Variants in FLNB observed in about 807,000 individuals in gnomAD.
FLNB encodes the protein filamin B.
Under a neutral mutation model 250.6 loss-of-function variants are expected in FLNB, and 111 were observed. The ratio of observed to expected loss-of-function variants is 0.44; its 90% CI spans 0.38 to 0.52. The LOEUF (loss-of-function observed/expected upper bound fraction) is 0.52, where lower values mean the gene tolerates loss of function less well. Among genes scored for constraint, FLNB ranks in the 20% least tolerant of loss-of-function variants. The pLI is 0.00. For missense variants in FLNB, 2,869 were observed against 3,447.8 expected, an observed-to-expected ratio of 0.83 and a Z score of 4.20; for synonymous variants, 1,302 against 1,372.1, an observed-to-expected ratio of 0.95 and a Z score of 1.13.
At chr3:58,135,337 C>T (rs1283475142) in intron 27 of FLNB, among the ~76,000 whole-genome samples, 2 of 152,242 alleles carry the variant, frequency 1.3e-5, no homozygotes, top group Non-Finnish European at 2.9e-5. Flanking sequence ...AAGTCAGCTC[C>T]ATCTCTCTGC....
chr3:58,155,575 G>T (rs527619624), intron 40 of FLNB, among the ~76,000 whole-genome samples: 6 of 152,138 alleles, frequency 3.9e-5, no homozygotes, highest in South Asian at 2.1e-4. Context: ...AAAAATATAT[G>T]ATTTTTAATG....
In FLNB at chr3:58,142,987, A is replaced by G. The variant is rs556079060; in HGVS notation, c.5284+235A>G. 6.6e-6 allele frequency among the ~76,000 whole-genome samples: 1 copy of G among 152,354 alleles called. No homozygotes were observed. The highest frequency in any genetic ancestry group is 1.5e-5 in the Non-Finnish European group (1 of 68,036). ...TTGCATTACTTTCTTGAGCAGTCCCATGATTCTCTCTAGGTTAAAAACTGC... is the reference window on the plus strand; with the variant it reads ...TTGCATTACTTTCTTGAGCAGTCCCGTGATTCTCTCTAGGTTAAAAACTGC... On this transcript the variant is annotated intron_variant, in intron 31 of 45. Transcript: ENST00000295956. The surrounding 1 kb of genome is among the most constrained non-coding windows in gnomAD (Gnocchi z 4.3).
At chr3:58,112,345 C>T in intron 18 of FLNB, 27 bp downstream of exon 18, 1 of 1,610,234 alleles carries the variant, frequency 6.2e-7, no homozygotes, top group Non-Finnish European at 8.5e-7. Flanking sequence ...CTCTGCTCCC[C>T]TGGCCCCCAG....
chr3:58,113,468 A>G (rs2097272521), intron 18 of FLNB, among the ~76,000 whole-genome samples: 1 of 152,188 alleles, frequency 6.6e-6, no homozygotes, highest in Non-Finnish European at 1.5e-5. Flanking sequence ...CAAGTGGGGA[A>G]GAAAGAGGAT....
At chr3:58,110,319 G>C in intron 16 of FLNB, 149 bp downstream of exon 16, 1 of 860,676 alleles carries the variant, frequency 1.2e-6, no homozygotes, top group Non-Finnish European at 1.9e-6. Context: ...CTAGAGTGCA[G>C]TGGTGTGATC....
rs11130614 is a variant in FLNB, at chr3:58,142,090, G to A, written c.5181+161G>A. On this transcript the variant is annotated intron_variant, in intron 30 of 45. Transcript: ENST00000295956. This position sits in a 1 kb window ranked among gnomAD's most constrained non-coding sequence, Gnocchi z 4.3. ...CATCACGATGATCCCTGCTTTTTCT[G>A]TAATAAGATCACCTTTGCGTCACCA... is the stretch of plus-strand genomic sequence containing the variant. 4.3e-3 allele frequency among the ~76,000 whole-genome samples: 653 copies of A among 152,266 alleles called. 9 individuals are homozygous for A. Among genetic ancestry groups the A allele is most frequent in the African/African-American group, 0.015 (618 of 41,568 alleles).
chr3:58,130,649 G>T lies in FLNB; in HGVS notation c.4223-92G>T, dbSNP rs2097305839. 3 of 1,365,036 alleles carry T rather than the reference G, an allele frequency of 2.2e-6. No homozygotes were observed. In the Admixed American group the frequency reaches 5.8e-5, roughly 26 times the overall value. The allele number at this position is 1,365,036 out of a possible 1,614,324, so 84.6% of individuals were successfully genotyped here. A position where few individuals can be genotyped will look rare whatever the true frequency, so the allele number is the denominator to read the frequency against. On this transcript the variant is annotated intron_variant, in intron 24 of 45. Coordinates refer to ENST00000295956, the MANE Select transcript of FLNB (RefSeq NM_001457.4). ...AGCTGACCGAGGCCTGCATGGCCGA[G>T]GTCCCGGGGGAGCAGCAGTGCTATT...
chr3:58,161,533 C>T (rs1017580308), intron 42 of FLNB, among the ~76,000 whole-genome samples: 5 of 152,152 alleles, frequency 3.3e-5, no homozygotes, highest in African/African-American at 1.2e-4. Flanking sequence ...AGGATTTGAA[C>T]CCCTACAGAT....
In FLNB at chr3:58,109,998, G is replaced by C; in HGVS notation, c.2324-12G>C. 6.2e-7 allele frequency: 1 copy of C among 1,614,086 alleles called. No individual in the cohort carries two copies. The highest frequency in any genetic ancestry group is 8.5e-7 in the Non-Finnish European group (1 of 1,179,968). On this transcript the variant is annotated splice_polypyrimidine_tract_variant and intron_variant, in intron 15 of 45. Coordinates refer to ENST00000295956, the MANE Select transcript of FLNB (RefSeq NM_001457.4). Reference sequence around the variant, plus strand: ...TCTTGTAAGCTGGTGCTAATAAGCTGGTCTGTTCCAGGTGATGTCAGTGTT... The same window carrying C: ...TCTTGTAAGCTGGTGCTAATAAGCTCGTCTGTTCCAGGTGATGTCAGTGTT...
chr3:58,043,046 T>C (rs2097148336), intron 1 of FLNB, among the ~76,000 whole-genome samples: 1 of 152,044 alleles, frequency 6.6e-6, no homozygotes, highest in African/African-American at 2.4e-5. Context: ...GGAAATTTCC[T>C]AGAGTTTTGT....
intron 31 of FLNB, among the ~76,000 whole-genome samples, 177 bp from the exon 32 acceptor site, chr3:58,143,293 GAAA>G (rs35408341): frequency 6.9e-6 from 1 of 145,658 alleles, no homozygotes; most frequent in Admixed American, 6.8e-5. Flanking sequence ...AATGGAACTG[GAAA>G]AAAAAAAAAG....
chr3:58,070,481 A>C (rs2097192565), intron 1 of FLNB, among the ~76,000 whole-genome samples: 1 of 152,116 alleles, frequency 6.6e-6, no homozygotes. Flanking sequence ...TAGTCAAGCT[A>C]CTGGTTCCCG....
At chr3:58,040,823 G>A (rs2097145106) in intron 1 of FLNB, among the ~76,000 whole-genome samples, 3 of 152,030 alleles carry the variant, frequency 2.0e-5, no homozygotes, top group Non-Finnish European at 4.4e-5. Context: ...TATACTCCCC[G>A]CTCCATCCCA....
intron 38 of FLNB, among the ~76,000 whole-genome samples, chr3:58,153,163 G>A (rs973858561): frequency 6.6e-6 from 1 of 152,220 alleles, no homozygotes; most frequent in African/African-American, 2.4e-5. Flanking sequence ...AAAAGTCTCA[G>A]TGCCCCCAGC....
At position 58,097,740 on chromosome 3, in the gene FLNB, T is replaced by C. The variant is rs946651342; in HGVS notation, c.985-75T>C. On this transcript the variant is annotated intron_variant, in intron 6 of 45. Transcript: ENST00000295956. ...GGAGGGTAGGAGAGGTGATCATCAA[T>C]GTATGTGGCTTGATGTCAGTCTTGC... is the stretch of plus-strand genomic sequence containing the variant. The C allele has an allele frequency of 7.3e-6, 10 of 1,371,516 alleles. No homozygotes were observed. The African/African-American group carries it at 1.3e-4, about 18-fold the overall frequency. The allele number at this position is 1,371,516 out of a possible 1,614,324, so 85.0% of individuals were successfully genotyped here.
intron 39 of FLNB, among the ~76,000 whole-genome samples, chr3:58,154,308 C>T (rs920719760): frequency 6.6e-6 from 1 of 151,996 alleles, no homozygotes; most frequent in African/African-American, 2.4e-5. Flanking sequence ...TTTGCAAGGC[C>T]GAGGCAGGCA....
chr3:58,091,551 A>T (rs2097227433), intron 4 of FLNB, among the ~76,000 whole-genome samples: 1 of 152,200 alleles, frequency 6.6e-6, no homozygotes, highest in Non-Finnish European at 1.5e-5. Context: ...AACTTTGAGA[A>T]AAAAACATAG....
At chr3:58,154,706 T>C (rs1354542599) in intron 39 of FLNB, 85 bp from the exon 40 acceptor site, 1 of 1,443,132 alleles carries the variant, frequency 6.9e-7, no homozygotes, top group Non-Finnish European at 9.7e-7. Flanking sequence ...AGACGAAACC[T>C]AGCACTGCAG....
At chr3:58,023,903 C>G (rs1454723904) in intron 1 of FLNB, among the ~76,000 whole-genome samples, 3 of 152,190 alleles carry the variant, frequency 2.0e-5, no homozygotes, top group Non-Finnish European at 4.4e-5. Context: ...GTCTCATAGG[C>G]AGCCCAGCAT....
Sources: gnomAD v4.1 joint callset for allele counts (sites outside exome capture counted in the v4.1 genomes callset) on GRCh38, gnomAD v4.1.1 for gene constraint, Gnocchi (gnomAD v3.1) non-coding constraint, MANE v1.5 for transcripts, NCBI Gene and HGNC (gene_info 2026-07-23, HGNC 2026-07-21) for gene names.